Variants in CWC22 observed in about 807,000 individuals in gnomAD.
CWC22 encodes the protein pre-mRNA-splicing factor CWC22 homolog.
CWC22 carries 53 observed loss-of-function variants against 117.2 expected under a neutral mutation model. The observed-to-expected ratio is 0.45, with a 90% CI of 0.36 to 0.57. The LOEUF is 0.57. Among genes scored for constraint, CWC22 ranks in the 20% least tolerant of loss-of-function variants. The probability of loss-of-function intolerance (pLI) is 0.00; values close to 1 mark genes in which losing one functional copy is unlikely to be tolerated. For missense variants in CWC22, 980 were observed against 1,068.8 expected (o/e 0.92, Z 1.16); for synonymous variants, 360 against 355.6 (o/e 1.01, Z -0.14).
rs751995310 is a variant in CWC22 at position 179,945,422 on chromosome 2, A to C, written c.2434T>G (p.Leu812Val). 5 of 1,612,756 alleles carry C rather than the reference A, an allele frequency of 3.1e-6. No individual in the cohort carries two copies. In the East Asian group the frequency reaches 1.1e-4, roughly 36 times the overall value. Residue 812 changes from leucine to valine, a missense_variant, in exon 20 of 20, where the codon TTG becomes GTG. Physicochemically the swap from Leu to Val is conservative, Grantham distance 32. This residue lies in a region of CWC22 where 306 missense variants were observed against 296.8 expected (regional missense o/e 1.03). Transcript: ENST00000410053. ...TTGGGATCACCATGCTTATTTTCCAAATCTATATGCATTTCTTGGTCTCTG... is the reference window on the plus strand; with the variant it reads ...TTGGGATCACCATGCTTATTTTCCACATCTATATGCATTTCTTGGTCTCTG... ...NDRDQEMHIDLENKHGDPKKK... is the reference protein window; with the variant it reads ...NDRDQEMHIDVENKHGDPKKK...
chr2:179,974,713 CCTCTAAAACTTGCTG>C (rs1687114916), intron 6 of CWC22, among the ~76,000 whole-genome samples: 1 of 152,126 alleles, frequency 6.6e-6, no homozygotes. Context: ...ACTTTCTCTA[CCTCTAAAACTTGCTG>C]CTCCTACTTT....
intron 2 of CWC22, 121 bp downstream of exon 2, chr2:179,993,194 C>A: frequency 1.4e-6 from 1 of 725,028 alleles, no homozygotes. Context: ...ACTTTTGCAC[C>A]AACCTAAGTG....
chr2:179,963,633 C>T (rs1686815000), intron 13 of CWC22, among the ~76,000 whole-genome samples: 2 of 151,936 alleles, frequency 1.3e-5, no homozygotes, highest in Admixed American at 6.5e-5. Flanking sequence ...TGAGCCACCG[C>T]GCCCGGCCAT....
At chr2:179,994,358 G>A (rs1170989548) in intron 1 of CWC22, among the ~76,000 whole-genome samples, 1 of 152,038 alleles carries the variant, frequency 6.6e-6, no homozygotes, top group Non-Finnish European at 1.5e-5. Context: ...CAGATTATCT[G>A]GTCCAATTCC....
chr2:179,950,994 A>AT (rs1241245753), intron 17 of CWC22, 68 bp from the exon 18 acceptor site: 6 of 885,656 alleles, frequency 6.8e-6, no homozygotes, highest in Non-Finnish European at 1.0e-5. Context: ...ATCCTTAGTC[A>AT]TTTTTCAGAT....
At chr2:179,989,524 G>T (rs1320529074) in intron 2 of CWC22, among the ~76,000 whole-genome samples, 1 of 152,062 alleles carries the variant, frequency 6.6e-6, no homozygotes, top group Admixed American at 6.6e-5. Flanking sequence ...TGTCTGATAT[G>T]TATTATACTG....
At chr2:179,971,133 A>C (rs1470023225) in intron 8 of CWC22, 57 bp from the exon 9 acceptor site, 5 of 1,171,870 alleles carry the variant, frequency 4.3e-6, no homozygotes, top group Non-Finnish European at 5.8e-6. Context: ...ACATTAAATT[A>C]TTTTTATAAT....
At chr2:179,997,201 G>A (rs1051258607) in intron 1 of CWC22, among the ~76,000 whole-genome samples, 4 of 124,678 alleles carry the variant, frequency 3.2e-5, no homozygotes, top group Non-Finnish European at 7.1e-5. Context: ...TAGAACTAGC[G>A]ACCAAAATGG....
At chr2:179,953,320 T>C (rs998384711) in intron 16 of CWC22, among the ~76,000 whole-genome samples, 2 of 152,114 alleles carry the variant, frequency 1.3e-5, no homozygotes, top group African/African-American at 4.8e-5. Flanking sequence ...GTTTGAGATA[T>C]TGCCTCATTC....
At chr2:179,971,173 A>T in intron 8 of CWC22, 97 bp from the exon 9 acceptor site, 1 of 872,710 alleles carries the variant, frequency 1.1e-6, no homozygotes, top group Non-Finnish European at 1.6e-6. Flanking sequence ...TGTTTACAAT[A>T]ATTATATTGC....
At chr2:180,004,677 C>T (rs955591257) in intron 1 of CWC22, among the ~76,000 whole-genome samples, 5 of 151,770 alleles carry the variant, frequency 3.3e-5, no homozygotes, top group African/African-American at 4.8e-5. Flanking sequence ...GAGCCATCGC[C>T]GCCCCCGCCC....
chr2:179,995,386 A>C (rs938818366), intron 1 of CWC22, among the ~76,000 whole-genome samples: 3 of 152,218 alleles, frequency 2.0e-5, no homozygotes, highest in African/African-American at 7.2e-5. Context: ...CTATTCTGAT[A>C]TCATGCAAGA....
chr2:180,001,971 T>C (rs1341373892), intron 1 of CWC22, among the ~76,000 whole-genome samples: 1 of 152,202 alleles, frequency 6.6e-6, no homozygotes, highest in Non-Finnish European at 1.5e-5. Context: ...GATGAATGAA[T>C]AGTCCTTATC....
At chr2:179,983,621 A>G (rs1222943214) in intron 4 of CWC22, among the ~76,000 whole-genome samples, 2 of 152,124 alleles carry the variant, frequency 1.3e-5, no homozygotes, top group Non-Finnish European at 2.9e-5. Flanking sequence ...TCTTTTGGGT[A>G]TATACCCAGT....
chr2:179,959,176 C>CT (rs1301058426), intron 13 of CWC22, 94 bp from the exon 14 acceptor site: 3 of 759,364 alleles, frequency 4.0e-6, no homozygotes, highest in Non-Finnish European at 6.5e-6. Flanking sequence ...TTTAAATCAT[C>CT]TTTTTTAACT....
chr2:179,960,486 C>A (rs1458769421), intron 13 of CWC22, among the ~76,000 whole-genome samples: 1 of 151,742 alleles, frequency 6.6e-6, no homozygotes, highest in Non-Finnish European at 1.5e-5. Flanking sequence ...TTACAACTAC[C>A]TAACATTTTT....
At position 179,988,782 on chromosome 2, in the gene CWC22, G is replaced by A. The variant is rs2105549811; in HGVS notation, c.28-138C>T. On this transcript the variant is annotated intron_variant, in intron 2 of 19. Coordinates refer to ENST00000410053, the MANE Select transcript of CWC22 (RefSeq NM_020943.3). ...TTTTAAATCATTAAGAATAATTCAT[G>A]TAACCTAAACAGTCTATAAGATAAA... is the stretch of plus-strand genomic sequence containing the variant. The A allele has an allele frequency of 9.5e-6, 5 of 527,342 alleles. No homozygotes were observed. In the South Asian group the frequency reaches 1.7e-4, roughly 18 times the overall value. The allele number at this position is 527,342 out of a possible 1,614,324, so 32.7% of individuals were successfully genotyped here.
At chr2:179,985,727 T>C (rs1381640301) in intron 4 of CWC22, among the ~76,000 whole-genome samples, 1 of 152,112 alleles carries the variant, frequency 6.6e-6, no homozygotes, top group Non-Finnish European at 1.5e-5. Context: ...ATAATCGTTC[T>C]ATTTTAGTAT....
chr2:179,950,717 C>T lies in CWC22; in HGVS notation c.1935G>A (p.Glu645=), dbSNP rs184182461. 11 of 1,613,216 alleles carry T rather than the reference C, an allele frequency of 6.8e-6. No homozygotes were observed. Among genetic ancestry groups the T allele is most frequent in the Non-Finnish European group, 9.3e-6 (11 of 1,179,328 alleles). ...GLGGLTDELR[E]HLKNTPKVIV... ...TGACCTTTGGTGTATTTTTGAGATG[C>T]TCCCGCAGTTCATCCCTAATTTAAA... is the stretch of plus-strand genomic sequence containing the variant. Residue 645 remains glutamate, a synonymous_variant, in exon 19 of 20, where the codon GAG becomes GAA. Transcript: ENST00000410053.
Sources: allele counts gnomAD v4.1 joint callset (sites outside exome capture counted in the v4.1 genomes callset), GRCh38; gene constraint gnomAD v4.1.1; regional missense constraint gnomAD v4.1.1; transcripts MANE v1.5; gene names NCBI Gene and HGNC (gene_info 2026-07-23, HGNC 2026-07-21).